Variants in DGKG observed in about 807,000 individuals in gnomAD.
The protein encoded by DGKG is DAG kinase gamma.
In DGKG, 78 loss-of-function variants were observed where a neutral mutation model predicts 105.3. The ratio of observed to expected loss-of-function variants is 0.74; its 90% CI spans 0.62 to 0.89. The LOEUF (loss-of-function observed/expected upper bound fraction) is 0.89. DGKG is among the 40% of genes least tolerant of loss of function. DGKG has a pLI of 0.00. For synonymous variants in DGKG, 346 were observed against 367.1 expected (o/e 0.94, Z 0.66); for missense variants, 958 against 1,020.1 (o/e 0.94, Z 0.83).
In DGKG at chr3:186,301,246, A is replaced by G. The variant is rs543787323; in HGVS notation, c.145-3017T>C. Among the ~76,000 whole-genome samples the G allele has an allele frequency of 9.6e-4, 146 of 152,226 alleles. 2 individuals carry two copies. The South Asian group carries it at 0.017, about 18-fold the overall frequency. On this transcript the variant is annotated intron_variant, in intron 3 of 24. Transcript: ENST00000265022. ...CCAAGGCTTCCTTAACCCCATGTCC[A>G]TCTGTTGGTCCTCCCACCTATCTTG...
rs1418525577 is a variant in DGKG at position 186,361,229 on chromosome 3, A to AT, written c.-249+716dup. On this transcript the variant is annotated intron_variant, in intron 1 of 24. Coordinates refer to ENST00000265022, the MANE Select transcript of DGKG (RefSeq NM_001346.3). The surrounding 1 kb of genome is among the most constrained non-coding windows in gnomAD (Gnocchi z 6.8). Reference sequence around the variant, plus strand: ...TAGAACTCCACAGCCCCCTCCCCTAATTCTATTCCACTAGTTCAAACGAAG... The same window carrying AT: ...TAGAACTCCACAGCCCCCTCCCCTAATTTCTATTCCACTAGTTCAAACGAAG... Among the ~76,000 whole-genome samples, 2 of 152,176 alleles carry AT rather than the reference A, an allele frequency of 1.3e-5. No homozygotes were observed. The highest frequency in any genetic ancestry group is 4.8e-5 in the African/African-American group (2 of 41,446).
intron 20 of DGKG, among the ~76,000 whole-genome samples, chr3:186,230,285 AAAC>A (rs527718965): frequency 2.4e-4 from 36 of 152,240 alleles, no homozygotes; most frequent in Middle Eastern, 3.4e-3. Context: ...CAAACAAACA[AAAC>A]AACAACAACA....
intron 2 of DGKG, among the ~76,000 whole-genome samples, chr3:186,317,725 C>T (rs1724885322): frequency 6.6e-6 from 1 of 152,190 alleles, no homozygotes; most frequent in South Asian, 2.1e-4. Flanking sequence ...GGGGCCTTCT[C>T]CTCCCATGCT....
chr3:186,148,959 T>TTATA lies in DGKG; in HGVS notation c.*1127_*1130dup, dbSNP rs34230259. On this transcript the variant is annotated 3_prime_UTR_variant, in exon 25 of 25. Transcript: ENST00000265022. ...GAAAAGTCCATCAGTAAATAAATATTTATATATATATATATATAAATATAT... is the reference window on the plus strand; with the variant it reads ...GAAAAGTCCATCAGTAAATAAATATTTATATATATATATATATATATAAATATAT... The TTATA allele has an allele frequency of 8.1e-3, 5,027 of 618,602 alleles. 16 individuals are homozygous for TTATA. The highest frequency in any genetic ancestry group is 0.024 in the East Asian group (154 of 6,458). The allele number at this position is 618,602 out of a possible 1,614,324, so 38.3% of individuals were successfully genotyped here.
chr3:186,176,890 C>T (rs1717108614), intron 22 of DGKG, among the ~76,000 whole-genome samples: 1 of 152,194 alleles, frequency 6.6e-6, no homozygotes, highest in Non-Finnish European at 1.5e-5. Context: ...GCTCTGCTAA[C>T]AGAAGCCCCT....
intron 22 of DGKG, among the ~76,000 whole-genome samples, chr3:186,171,644 G>GA (rs1716823639): frequency 1.3e-5 from 2 of 152,056 alleles, no homozygotes; most frequent in South Asian, 2.1e-4. Context: ...CATCCATTTA[G>GA]AAAAAAATCT....
intron 22 of DGKG, among the ~76,000 whole-genome samples, chr3:186,178,219 A>G (rs1366383746): frequency 6.6e-6 from 1 of 152,188 alleles, no homozygotes; most frequent in East Asian, 1.9e-4. Context: ...CGGAAGCCCA[A>G]CTCACTAAGA....
In DGKG at chr3:186,147,409, C is replaced by T. The variant is rs181604982; in HGVS notation, c.*2681G>A. 570 of 980,256 alleles carry T rather than the reference C, an allele frequency of 5.8e-4. No homozygotes were observed. Among genetic ancestry groups the T allele is most frequent in the Non-Finnish European group, 6.6e-4 (548 of 825,064 alleles). 60.7% of individuals were successfully genotyped at this position (980,256 alleles called of 1,614,324 possible). ...AGATAATAATACCTTCTCTGCTAAC[C>T]TCAGAGGTTGCTATGAGGGTCACTA... On this transcript the variant is annotated 3_prime_UTR_variant, in exon 25 of 25. Coordinates refer to ENST00000265022, the MANE Select transcript of DGKG (RefSeq NM_001346.3).
chr3:186,303,298 C>A (rs1213389503), intron 3 of DGKG, among the ~76,000 whole-genome samples: 2 of 152,158 alleles, frequency 1.3e-5, no homozygotes, highest in African/African-American at 2.4e-5. Context: ...AGATGACCAA[C>A]CACTATGAGG....
At chr3:186,355,404 C>T (rs955999317) in intron 1 of DGKG, among the ~76,000 whole-genome samples, 11 of 139,268 alleles carry the variant, frequency 7.9e-5, no homozygotes, top group Non-Finnish European at 1.8e-4. Context: ...TCACCACTAT[C>T]ACCACCACCA....
Position 186,152,925 on chromosome 3 carries a change from G to C in DGKG, c.2278-2737C>G, listed in dbSNP as rs574714888. Reference sequence around the variant, plus strand: ...GATCCGCCCGTGTCGGCCTCCCAAAGTGCTGGGATTACAGGCACCAGCTGC... The same window carrying C: ...GATCCGCCCGTGTCGGCCTCCCAAACTGCTGGGATTACAGGCACCAGCTGC... On this transcript the variant is annotated intron_variant, in intron 24 of 24. Transcript: ENST00000265022. 6.7e-5 allele frequency among the ~76,000 whole-genome samples: 10 copies of C among 149,480 alleles called. No individual in the cohort carries two copies. In the East Asian group the frequency reaches 2.0e-3, roughly 30 times the overall value.
intron 21 of DGKG, among the ~76,000 whole-genome samples, chr3:186,192,673 C>G (rs918530766): frequency 6.6e-6 from 1 of 152,150 alleles, no homozygotes; most frequent in East Asian, 1.9e-4. Flanking sequence ...CCAGATCCTA[C>G]GCTGGAGATG....
At chr3:186,171,936 A>G (rs1205238745) in intron 22 of DGKG, among the ~76,000 whole-genome samples, 2 of 151,758 alleles carry the variant, frequency 1.3e-5, no homozygotes, top group Non-Finnish European at 2.9e-5. Flanking sequence ...GCTCACTGCA[A>G]CCTCTGCCTC....
rs1021094083 is a variant in DGKG at position 186,233,875 on chromosome 3, G to A, written c.1826+8629C>T. On this transcript the variant is annotated intron_variant, in intron 20 of 24. Transcript: ENST00000265022. ...TATTATACCTCAGTTTTACAGGTGAGCCGACTGAGGTTCAGGGAGAGTAAC... is the reference window on the plus strand; with the variant it reads ...TATTATACCTCAGTTTTACAGGTGAACCGACTGAGGTTCAGGGAGAGTAAC... Among the ~76,000 whole-genome samples the A allele has an allele frequency of 3.3e-5, 5 of 152,302 alleles. No homozygotes were observed. In the East Asian group the frequency reaches 9.7e-4, roughly 29 times the overall value.
chr3:186,273,542 T>G lies in DGKG; in HGVS notation c.911-1199A>C, dbSNP rs369933770. On this transcript the variant is annotated intron_variant, in intron 10 of 24. Coordinates refer to ENST00000265022, the MANE Select transcript of DGKG (RefSeq NM_001346.3). ...AGCATGCGCCACCATGCCCAGCTAA[T>G]TTTTGTATTTTTAGTAGGGACGGGG... Among the ~76,000 whole-genome samples the G allele has an allele frequency of 7.2e-5, 11 of 151,868 alleles. No homozygotes were observed. In the East Asian group the frequency reaches 2.1e-3, roughly 29 times the overall value.
At chr3:186,244,741 T>C (rs1451635272) in intron 19 of DGKG, among the ~76,000 whole-genome samples, 1 of 152,062 alleles carries the variant, frequency 6.6e-6, no homozygotes, top group East Asian at 1.9e-4. Flanking sequence ...ATTAAGAGTT[T>C]AAGGTCTTGG....
In DGKG at chr3:186,209,093, CTT is replaced by C. The variant is rs34226259; in HGVS notation, c.1917+2700_1917+2701del. ...TTTTCTCTCCCTTCAGTTTACTCTT[CTT>C]TTTTTTTTTTTTTTTTTTTTTAAGA... On this transcript the variant is annotated intron_variant, in intron 21 of 24. Coordinates refer to ENST00000265022, the MANE Select transcript of DGKG (RefSeq NM_001346.3). 4.2e-3 allele frequency among the ~76,000 whole-genome samples: 379 copies of C among 89,790 alleles called. 1 individual carries two copies. The highest frequency in any genetic ancestry group is 0.013 in the South Asian group (35 of 2,606). The allele number at this position is 89,790 out of a possible 152,430, so 58.9% of individuals were successfully genotyped here.
chr3:186,202,702 C>T (rs1038750769), intron 21 of DGKG, among the ~76,000 whole-genome samples: 1 of 152,196 alleles, frequency 6.6e-6, no homozygotes. Flanking sequence ...CAGAAGTTGG[C>T]TGAGAGGATC....
At chr3:186,329,383 C>G (rs1319672132) in intron 1 of DGKG, among the ~76,000 whole-genome samples, 2 of 152,138 alleles carry the variant, frequency 1.3e-5, no homozygotes, top group Non-Finnish European at 2.9e-5. Context: ...ATGGAAATCA[C>G]AAGTCAGGAG....
Sources: allele counts gnomAD v4.1 joint callset (sites outside exome capture counted in the v4.1 genomes callset), GRCh38; gene constraint gnomAD v4.1.1; non-coding constraint Gnocchi (gnomAD v3.1); transcripts MANE v1.5; gene names NCBI Gene and HGNC (gene_info 2026-07-23, HGNC 2026-07-21).